The following BBS4 variants were observed in gnomAD, a reference collection of about 807,000 sequenced individuals.
BBS4 encodes the protein Bardet-Biedl syndrome 4.
A neutral mutation model predicts 71.4 loss-of-function variants in BBS4; 58 were observed. The observed-to-expected ratio is 0.81, with a 90% CI of 0.66 to 1.01. The LOEUF is 1.01. Among genes scored for constraint, BBS4 ranks in the 50% least tolerant of loss-of-function variants. The pLI, the probability that BBS4 is intolerant of heterozygous loss-of-function variation, is 0.00. For synonymous variants in BBS4, 228 were observed against 216.8 expected, an observed-to-expected ratio of 1.05 and a Z score of -0.46; for missense variants, 660 against 607.9, an observed-to-expected ratio of 1.09 and a Z score of -0.90.
chr15:72,714,203 TAAG>T (rs2065426725), intron 4 of BBS4, among the ~76,000 whole-genome samples: 1 of 144,234 alleles, frequency 6.9e-6, no homozygotes, highest in South Asian at 2.2e-4. Flanking sequence ...AAACCAAAGA[TAAG>T]GACCACTCAC....
chr15:72,735,395 C>CTG (rs2065902790), intron 13 of BBS4: 1 of 591,804 alleles, frequency 1.7e-6, no homozygotes, highest in African/African-American at 1.8e-5. Flanking sequence ...CAGTCCTAAA[C>CTG]TGAGTAATCA....
intron 2 of BBS4, among the ~76,000 whole-genome samples, chr15:72,707,797 G>A (rs2065291647): frequency 6.6e-6 from 1 of 152,016 alleles, no homozygotes; most frequent in Non-Finnish European, 1.5e-5. Flanking sequence ...TCAGTGGGCA[G>A]GTAACTCATT....
rs760437306 is a variant in BBS4 at position 72,735,911 on chromosome 15, T to C, written c.1193T>C (p.Met398Thr). 11 of 1,613,956 alleles carry C rather than the reference T, an allele frequency of 6.8e-6. No homozygotes were observed. The African/African-American group carries it at 8.0e-5, about 12-fold the overall frequency. Residue 398 changes from methionine to threonine, a missense_variant, in exon 14 of 16, where the codon ATG becomes ACG. Coordinates refer to ENST00000268057, the MANE Select transcript of BBS4 (RefSeq NM_033028.5). ...KKNALAQYQE[M>T]EKKVSLLKDN... ...AACGCCCTGGCCCAATATCAGGAGA[T>C]GGAGAAGAAAGTCAGCCTACTCAAG...
At position 72,695,295 on chromosome 15, in the gene BBS4, A is replaced by T. The variant is rs76036281; in HGVS notation, c.76+67A>T. On this transcript the variant is annotated intron_variant, in intron 2 of 15. Transcript: ENST00000268057. The stretch of plus-strand genomic sequence containing the variant: ...AGATTTCTCTTTTATTTATTTATTT[A>T]TTTTTTTTTTTGGAGGCAGAGTCTC... 5.5e-4 allele frequency: 538 copies of T among 978,588 alleles called. 1 individual carries two copies. The highest frequency in any genetic ancestry group is 2.1e-3 in the Middle Eastern group (6 of 2,800). The allele number at this position is 978,588 out of a possible 1,614,324, so 60.6% of individuals were successfully genotyped here. A position where few individuals can be genotyped will look rare whatever the true frequency, so the allele number is the denominator to read the frequency against.
chr15:72,725,059 G>GAGAA (rs2065646287), intron 8 of BBS4, among the ~76,000 whole-genome samples: 1 of 98,938 alleles, frequency 1.0e-5, no homozygotes. Flanking sequence ...TATATATATA[G>GAGAA]AGAGAGAGAG....
Position 72,735,193 on chromosome 15 carries a change from T to G in BBS4, c.1106+11T>G. 2 of 1,609,234 alleles carry G rather than the reference T, an allele frequency of 1.2e-6. No homozygotes were observed. Among genetic ancestry groups the G allele is most frequent in the Non-Finnish European group, 1.7e-6 (2 of 1,175,872 alleles). On this transcript the variant is annotated intron_variant, in intron 13 of 15. Transcript: ENST00000268057. ...AGTCCACCTGGATAAGTATGCACTT[T>G]GTTGAGAATGGTACTGGCGGGGGTT...
chr15:72,713,314 G>GACACACAC (rs36072427), intron 4 of BBS4, among the ~76,000 whole-genome samples: 16,332 of 143,386 alleles, frequency 0.11, 1,083 homozygotes, highest in Middle Eastern at 0.17. Context: ...AGGTCTTTGT[G>GACACACAC]ACACACACAC....
At position 72,737,654 on chromosome 15, in the gene BBS4, C is replaced by G. The variant is rs772661326; in HGVS notation, c.*67C>G. On this transcript the variant is annotated 3_prime_UTR_variant, in exon 16 of 16. Transcript: ENST00000268057. ...GGATGTGCTGGATTAGGAAAGGTGA[C>G]ATGACACAGGCAGAGCAGAGTGGCA... 16 of 1,291,276 alleles carry G rather than the reference C, an allele frequency of 1.2e-5. No homozygotes were observed. Among genetic ancestry groups the G allele is most frequent in the Non-Finnish European group, 1.6e-5 (15 of 917,160 alleles). 80.0% of individuals were successfully genotyped at this position (1,291,276 alleles called of 1,614,324 possible).
At chr15:72,736,045 T>A in intron 14 of BBS4, 79 bp downstream of exon 14, 1 of 1,533,170 alleles carries the variant, frequency 6.5e-7, no homozygotes, top group Admixed American at 1.7e-5. Context: ...ATCATCCAAA[T>A]CCAAGGTATT....
chr15:72,718,445 T>C (rs1401208178), intron 6 of BBS4, among the ~76,000 whole-genome samples: 2 of 152,206 alleles, frequency 1.3e-5, no homozygotes, highest in African/African-American at 4.8e-5. Flanking sequence ...AGAGAGACAT[T>C]CATATCTGTG....
In BBS4 at chr15:72,704,511, A is replaced by G. The variant is rs1188093642; in HGVS notation, c.77-5189A>G. 6.7e-6 allele frequency: 8 copies of G among 1,193,922 alleles called. No individual in the cohort carries two copies. The East Asian group carries it at 4.5e-4, about 68-fold the overall frequency. 74.0% of individuals were successfully genotyped at this position (1,193,922 alleles called of 1,614,324 possible). On this transcript the variant is annotated intron_variant, in intron 2 of 15. Transcript: ENST00000268057. Reference sequence around the variant, plus strand: ...AATTCTAATTGTAAATTCAGGATTCATAGATTCTAGGGATTTCTGAGGTAT... The same window carrying G: ...AATTCTAATTGTAAATTCAGGATTCGTAGATTCTAGGGATTTCTGAGGTAT...
intron 10 of BBS4, 128 bp downstream of exon 10, chr15:72,729,812 A>G (rs760445257): frequency 1.3e-6 from 1 of 766,048 alleles, no homozygotes; most frequent in Non-Finnish European, 2.2e-6. Flanking sequence ...AAAAATATAA[A>G]TAAAAGGTGG....
At chr15:72,689,644 TG>T (rs1163566900) in intron 1 of BBS4, among the ~76,000 whole-genome samples, 1 of 151,720 alleles carries the variant, frequency 6.6e-6, no homozygotes, top group African/African-American at 2.4e-5. Context: ...CATCTGAGCC[TG>T]GGGGAAGTTG....
intron 4 of BBS4, among the ~76,000 whole-genome samples, chr15:72,712,939 TAAAAC>T (rs1268337678): frequency 6.6e-6 from 1 of 152,076 alleles, no homozygotes; most frequent in East Asian, 1.9e-4. Flanking sequence ...GGGTAATACT[TAAAAC>T]ACACAACAAC....
chr15:72,713,265 G>T (rs1203734534), intron 4 of BBS4, among the ~76,000 whole-genome samples: 1 of 150,060 alleles, frequency 6.7e-6, no homozygotes, highest in African/African-American at 2.5e-5. Flanking sequence ...ATGTGTCCTT[G>T]CTGTCTTTTT....
At chr15:72,708,547 A>G (rs1459144120) in intron 2 of BBS4, among the ~76,000 whole-genome samples, 1 of 152,196 alleles carries the variant, frequency 6.6e-6, no homozygotes, top group Non-Finnish European at 1.5e-5. Flanking sequence ...ACAATATGAA[A>G]TCAGTGCACC....
At chr15:72,687,570 C>T (rs2064883398) in intron 1 of BBS4, among the ~76,000 whole-genome samples, 1 of 149,884 alleles carries the variant, frequency 6.7e-6, no homozygotes, top group African/African-American at 2.5e-5. Context: ...TGCCATTGCA[C>T]TCCAGCATGA....
At chr15:72,711,284 A>T (rs903569460) in intron 3 of BBS4, among the ~76,000 whole-genome samples, 8 of 151,676 alleles carry the variant, frequency 5.3e-5, no homozygotes, top group African/African-American at 1.9e-4. Flanking sequence ...AGTAGCTGGG[A>T]TTACAGGCAT....
chr15:72,738,360 T>G lies in BBS4; in HGVS notation c.*773T>G, dbSNP rs2065969909. 1 of 451,576 alleles carries G rather than the reference T, an allele frequency of 2.2e-6. No homozygotes were observed. Among genetic ancestry groups the G allele is most frequent in the African/African-American group, 2.0e-5 (1 of 49,866 alleles). 28.0% of individuals were successfully genotyped at this position (451,576 alleles called of 1,614,324 possible). Reference sequence around the variant, plus strand: ...AGTGATAACCACTGACCAGATGCTATCAATACACTATGTGTCCTTTTTAGA... The same window carrying G: ...AGTGATAACCACTGACCAGATGCTAGCAATACACTATGTGTCCTTTTTAGA... On this transcript the variant is annotated 3_prime_UTR_variant, in exon 16 of 16. Coordinates refer to ENST00000268057, the MANE Select transcript of BBS4 (RefSeq NM_033028.5).
Sources: allele counts gnomAD v4.1 joint callset (sites outside exome capture counted in the v4.1 genomes callset), GRCh38; gene constraint gnomAD v4.1.1; transcripts MANE v1.5; gene names NCBI Gene and HGNC (gene_info 2026-07-23, HGNC 2026-07-21).